Variants in DSCAM observed in about 807,000 individuals in gnomAD.
The protein encoded by DSCAM is cell adhesion molecule DSCAM.
DSCAM carries 47 observed loss-of-function variants against 217.7 expected under a neutral mutation model. The ratio of observed to expected loss-of-function variants is 0.22; its 90% CI spans 0.17 to 0.28. The LOEUF (loss-of-function observed/expected upper bound fraction) is 0.28, where lower values mean the gene tolerates loss of function less well. Among genes scored for constraint, DSCAM ranks in the 10% least tolerant of loss-of-function variants. The probability of loss-of-function intolerance (pLI) is 1.00; values close to 1 mark genes in which losing one functional copy is unlikely to be tolerated. For synonymous variants in DSCAM, 1,056 were observed against 1,015.3 expected (o/e 1.04, Z -0.76); for missense variants, 2,080 against 2,618.3 (o/e 0.79, Z 4.49).
At chr21:40,039,092 C>T (rs2088689961) in intron 32 of DSCAM, among the ~76,000 whole-genome samples, 1 of 151,730 alleles carries the variant, frequency 6.6e-6, no homozygotes, top group African/African-American at 2.4e-5. Context: ...GGGTGCAGCG[C>T]ACCAGAATGG....
chr21:40,144,014 T>C lies in DSCAM; in HGVS notation c.3259+477A>G, dbSNP rs569999790. Among the ~76,000 whole-genome samples the C allele has an allele frequency of 6.6e-6, 1 of 152,340 alleles. No individual in the cohort carries two copies. Among genetic ancestry groups the C allele is most frequent in the African/African-American group, 2.4e-5 (1 of 41,578 alleles). On this transcript the variant is annotated intron_variant, in intron 17 of 32. Transcript: ENST00000400454. This position sits in a 1 kb window ranked among gnomAD's most constrained non-coding sequence, Gnocchi z 4.8. The stretch of plus-strand genomic sequence containing the variant: ...CATGGTGGAAGGGCTAATTAATTTA[T>C]CTCGGCCGCTAGGGGGCGATCGATC...
chr21:40,485,771 G>C (rs1389382781), intron 3 of DSCAM, among the ~76,000 whole-genome samples: 1 of 151,546 alleles, frequency 6.6e-6, no homozygotes, highest in Non-Finnish European at 1.5e-5. Flanking sequence ...CTTAAATTGT[G>C]TGTCAAATGT....
At chr21:40,746,898 C>T (rs1050758056) in intron 1 of DSCAM, among the ~76,000 whole-genome samples, 1 of 151,800 alleles carries the variant, frequency 6.6e-6, no homozygotes, top group Non-Finnish European at 1.5e-5. Flanking sequence ...AACTAAAAAT[C>T]AATAACAGAA....
chr21:40,226,367 G>A (rs2091332908), intron 11 of DSCAM, among the ~76,000 whole-genome samples: 1 of 152,182 alleles, frequency 6.6e-6, no homozygotes, highest in South Asian at 2.1e-4. Flanking sequence ...GATTGAAACA[G>A]AAATTTCTCC....
intron 1 of DSCAM, among the ~76,000 whole-genome samples, chr21:40,765,041 C>T (rs1287172098): frequency 6.6e-6 from 1 of 151,624 alleles, no homozygotes; most frequent in Non-Finnish European, 1.5e-5. Context: ...GTGCAGCAAA[C>T]CACCATGGCA....
chr21:40,468,687 G>A (rs866558193), intron 3 of DSCAM, among the ~76,000 whole-genome samples: 30 of 152,188 alleles, frequency 2.0e-4, no homozygotes, highest in African/African-American at 7.2e-4. Context: ...ATAGCCTAAG[G>A]GGTTTATTCT....
At chr21:40,265,646 C>T (rs774353977) in intron 11 of DSCAM, among the ~76,000 whole-genome samples, 1 of 152,110 alleles carries the variant, frequency 6.6e-6, no homozygotes, top group Non-Finnish European at 1.5e-5. Flanking sequence ...AAAGTAGATG[C>T]ATAGACAAAT....
chr21:40,794,682 TG>T (rs1252169006), intron 1 of DSCAM, among the ~76,000 whole-genome samples: 1 of 150,980 alleles, frequency 6.6e-6, no homozygotes, highest in Non-Finnish European at 1.5e-5. Flanking sequence ...TAACATGCAC[TG>T]TGTCATGGAT....
chr21:40,677,588 T>A (rs1038205290), intron 3 of DSCAM, among the ~76,000 whole-genome samples: 6 of 152,192 alleles, frequency 3.9e-5, no homozygotes, highest in African/African-American at 1.4e-4. Context: ...TATTTCCATC[T>A]ATTAAAAAAA....
chr21:40,235,141 A>C (rs2091415219), intron 11 of DSCAM, among the ~76,000 whole-genome samples: 1 of 152,246 alleles, frequency 6.6e-6, no homozygotes, highest in South Asian at 2.1e-4. Flanking sequence ...ATTCTATGAA[A>C]ATAGTGATAC....
chr21:40,205,948 C>T (rs1468079754), intron 11 of DSCAM, among the ~76,000 whole-genome samples: 3 of 152,158 alleles, frequency 2.0e-5, no homozygotes, highest in Admixed American at 6.5e-5. Flanking sequence ...GAGGTTTTAC[C>T]ACATTTGGCC....
intron 3 of DSCAM, among the ~76,000 whole-genome samples, chr21:40,536,415 T>C (rs1601724623): frequency 6.6e-6 from 1 of 150,954 alleles, no homozygotes; most frequent in Non-Finnish European, 1.5e-5. Flanking sequence ...TTTTTTTTTT[T>C]TTTTGAGACG....
chr21:40,520,783 G>A (rs2076352650), intron 3 of DSCAM, among the ~76,000 whole-genome samples: 1 of 152,040 alleles, frequency 6.6e-6, no homozygotes, highest in Admixed American at 6.6e-5. Context: ...CTCCAGCCTG[G>A]GTGACAGAAC....
intron 3 of DSCAM, among the ~76,000 whole-genome samples, chr21:40,645,824 A>C (rs1381246532): frequency 6.6e-6 from 1 of 152,250 alleles, no homozygotes; most frequent in African/African-American, 2.4e-5. Flanking sequence ...AAAATTGAGC[A>C]AAAAGTATTT....
chr21:40,257,499 A>ACACACACACACACACAG (rs1189387272), intron 11 of DSCAM, among the ~76,000 whole-genome samples: 1 of 65,796 alleles, frequency 1.5e-5, no homozygotes. Flanking sequence ...CACACACACA[A>ACACACACACACACACAG]TGGCAAACGC....
At chr21:40,084,501 AACACACAC>A (rs145863686) in intron 23 of DSCAM, among the ~76,000 whole-genome samples, 2,518 of 137,692 alleles carry the variant, frequency 0.018, 29 homozygotes, top group Middle Eastern at 0.033. Flanking sequence ...TCCAAGATGC[AACACACAC>A]ACACACACAC....
At chr21:40,597,719 G>A (rs1206208848) in intron 3 of DSCAM, among the ~76,000 whole-genome samples, 1 of 151,836 alleles carries the variant, frequency 6.6e-6, no homozygotes, top group Non-Finnish European at 1.5e-5. Context: ...TGATGACCAG[G>A]CAGGCTGGTC....
At chr21:40,365,317 G>T (rs1240534104) in intron 4 of DSCAM, among the ~76,000 whole-genome samples, 1 of 152,162 alleles carries the variant, frequency 6.6e-6, no homozygotes, top group Non-Finnish European at 1.5e-5. Context: ...TAGTCCTCCA[G>T]CCTACATCTT....
At chr21:40,407,919 T>C (rs1249186614) in intron 3 of DSCAM, among the ~76,000 whole-genome samples, 1 of 152,236 alleles carries the variant, frequency 6.6e-6, no homozygotes, top group Non-Finnish European at 1.5e-5. Flanking sequence ...CCCTTCTGGG[T>C]GTGAACCAGA....
Sources: gnomAD v4.1 joint callset for allele counts (sites outside exome capture counted in the v4.1 genomes callset) on GRCh38, gnomAD v4.1.1 for gene constraint, Gnocchi (gnomAD v3.1) non-coding constraint, MANE v1.5 for transcripts, NCBI Gene and HGNC (gene_info 2026-07-23, HGNC 2026-07-21) for gene names.